The following PCDHGA10 variants were observed in gnomAD, a reference collection of about 807,000 sequenced individuals.
PCDHGA10 encodes the protein protocadherin gamma-A10.
In PCDHGA10, 42 loss-of-function variants were observed where a neutral mutation model predicts 59.5. That is an observed-to-expected ratio of 0.71 (90% CI 0.55 to 0.91). PCDHGA10 has a LOEUF of 0.91. PCDHGA10 is among the 40% of genes least tolerant of loss of function. The pLI is 0.00. For missense variants in PCDHGA10, 1,111 were observed against 1,198.2 expected (o/e 0.93, Z 1.07); for synonymous variants, 511 against 517.2 (o/e 0.99, Z 0.16).
At chr5:141,508,682 C>G (rs2099870913) in intron 3 of PCDHGA10, among the ~76,000 whole-genome samples, 1 of 152,080 alleles carries the variant, frequency 6.6e-6, no homozygotes, top group Non-Finnish European at 1.5e-5. Context: ...TCCCTTCTCC[C>G]TGCTTCTCCG....
chr5:141,472,980 C>CAAAAAAAAAAAAAAAAAAAAAAA (rs60579131), intron 1 of PCDHGA10, among the ~76,000 whole-genome samples: 6 of 86,066 alleles, frequency 7.0e-5, no homozygotes, highest in Non-Finnish European at 1.0e-4. Context: ...GAGTGAAACT[C>CAAAAAAAAAAAAAAAAAAAAAAA]AAAAAAAAAA....
intron 1 of PCDHGA10, among the ~76,000 whole-genome samples, chr5:141,464,436 TTTG>T (rs1043492514): frequency 1.1e-4 from 17 of 151,396 alleles, no homozygotes; most frequent in Non-Finnish European, 1.9e-4. Flanking sequence ...GATATATATG[TTTG>T]TTGTTGTTGT....
intron 1 of PCDHGA10, among the ~76,000 whole-genome samples, chr5:141,456,866 G>A (rs2098893781): frequency 6.6e-6 from 1 of 152,170 alleles, no homozygotes; most frequent in African/African-American, 2.4e-5. Flanking sequence ...GGGAGGCTGA[G>A]GCAGGAGAAT....
In PCDHGA10 at chr5:141,476,990, C is replaced by A; in HGVS notation, c.2437-17817C>A. On this transcript the variant is annotated intron_variant, in intron 1 of 3. Coordinates refer to ENST00000398610, the MANE Select transcript of PCDHGA10 (RefSeq NM_018913.3). The surrounding 1 kb of genome is among the most constrained non-coding windows in gnomAD (Gnocchi z 7.6). Reference sequence around the variant, plus strand: ...CGGCAGCCACAACCGCGCCGGCGTGCGGCAACTATTCGCCTTAGACCTTGT... The same window carrying A: ...CGGCAGCCACAACCGCGCCGGCGTGAGGCAACTATTCGCCTTAGACCTTGT... The A allele has an allele frequency of 6.2e-7, 1 of 1,614,220 alleles. No individual in the cohort carries two copies. Among genetic ancestry groups the A allele is most frequent in the South Asian group, 1.1e-5 (1 of 91,090 alleles).
In PCDHGA10 at chr5:141,485,053, G is replaced by A. The variant is rs555996081; in HGVS notation, c.2437-9754G>A. On this transcript the variant is annotated intron_variant, in intron 1 of 3. Coordinates refer to ENST00000398610, the MANE Select transcript of PCDHGA10 (RefSeq NM_018913.3). The surrounding 1 kb of genome is among the most constrained non-coding windows in gnomAD (Gnocchi z 5.7). ...GCGCGTAACCCTTGCGGCGCCGGCC[G>A]AACCGCGCCAGAGCTGGCGCGGGGA... 6.9e-5 allele frequency: 57 copies of A among 820,742 alleles called. 2 individuals carry two copies. In the South Asian group the frequency reaches 9.3e-4, roughly 13 times the overall value. 50.8% of individuals were successfully genotyped at this position (820,742 alleles called of 1,614,324 possible).
intron 1 of PCDHGA10, chr5:141,421,577 T>C (rs1385519860): frequency 1.4e-5 from 22 of 1,613,748 alleles, no homozygotes; most frequent in Non-Finnish European, 1.5e-5. Context: ...ACCTTGAAGA[T>C]TTACGGAGTG....
rs1468210173 is a variant in PCDHGA10 at position 141,512,170 on chromosome 5, A to T, written c.*997A>T. 1 of 152,720 alleles carries T rather than the reference A, an allele frequency of 6.5e-6. No homozygotes were observed. The highest frequency in any genetic ancestry group is 1.5e-5 in the Non-Finnish European group (1 of 68,120). The allele number at this position is 152,720 out of a possible 1,614,324, so 9.5% of individuals were successfully genotyped here. On this transcript the variant is annotated 3_prime_UTR_variant, in exon 4 of 4. Coordinates refer to ENST00000398610, the MANE Select transcript of PCDHGA10 (RefSeq NM_018913.3). ...TGGGCTGAGCTAACAGGACCAATGG[A>T]TTAAACTGGCATTTCAGTCCAAGGA...
At chr5:141,433,422 A>G (rs1172678396) in intron 1 of PCDHGA10, among the ~76,000 whole-genome samples, 1 of 150,646 alleles carries the variant, frequency 6.6e-6, no homozygotes, top group Admixed American at 6.6e-5. Context: ...TCTTGTACAG[A>G]CAGGAGTCTC....
At chr5:141,422,812 T>A in intron 1 of PCDHGA10, 1 of 1,614,206 alleles carries the variant, frequency 6.2e-7, no homozygotes, top group Non-Finnish European at 8.5e-7. Context: ...GTTTCGAGAC[T>A]TAGAACTGAG....
Position 141,413,953 on chromosome 5 carries a change from C to A in PCDHGA10, c.778C>A (p.Pro260Thr). The A allele has an allele frequency of 6.2e-7, 1 of 1,613,310 alleles. No individual in the cohort carries two copies. Among genetic ancestry groups the A allele is most frequent in the Non-Finnish European group, 8.5e-7 (1 of 1,179,850 alleles). Residue 260 changes from proline (P) to threonine (T), a missense_variant, in exon 1 of 4, where the codon CCT becomes ACT. Physicochemically the swap from Pro to Thr is conservative, Grantham distance 38. Transcript: ENST00000398610. ...EYRVSVPENL[P>T]VGTQLLTVTA... ...CCGAGTGAGTGTTCCTGAGAATTTG[C>A]CTGTGGGCACTCAGCTGCTGACAGT...
At chr5:141,478,443 C>T (rs2099456258) in intron 1 of PCDHGA10, 3 of 1,613,494 alleles carry the variant, frequency 1.9e-6, no homozygotes, top group Admixed American at 1.7e-5. Flanking sequence ...CTGAAGAAAC[C>T]TGGTGCAGCC....
intron 1 of PCDHGA10, among the ~76,000 whole-genome samples, chr5:141,449,909 A>G (rs2098658849): frequency 6.6e-6 from 1 of 151,828 alleles, no homozygotes; most frequent in Non-Finnish European, 1.5e-5. Context: ...TATAGTCCAT[A>G]TTTAAATTCT....
At position 141,413,564 on chromosome 5, in the gene PCDHGA10, T is replaced by C. The variant is rs762044373; in HGVS notation, c.389T>C (p.Ile130Thr). 9 of 1,613,760 alleles carry C rather than the reference T, an allele frequency of 5.6e-6. No homozygotes were observed. The Admixed American group carries it at 1.2e-4, about 21-fold the overall frequency. Reference protein sequence around the residue: ...LFGIEIEVTDINDNAPKFQAE... With the variant: ...LFGIEIEVTDTNDNAPKFQAE... ...GGGATAGAAATAGAAGTAACTGATA[T>C]CAATGACAATGCTCCAAAATTCCAA... The change falls in exon 1 of 4, where the codon ATC becomes ACC. Residue 130 changes from isoleucine to threonine, a missense_variant. Coordinates refer to ENST00000398610, the MANE Select transcript of PCDHGA10 (RefSeq NM_018913.3).
intron 1 of PCDHGA10, chr5:141,418,910 T>C: frequency 6.2e-7 from 1 of 1,613,936 alleles, no homozygotes; most frequent in East Asian, 2.2e-5. Flanking sequence ...AATCATCACG[T>C]CACTCTCTGA....
At chr5:141,473,272 A>G (rs2099318396) in intron 1 of PCDHGA10, among the ~76,000 whole-genome samples, 1 of 152,182 alleles carries the variant, frequency 6.6e-6, no homozygotes, top group African/African-American at 2.4e-5. Flanking sequence ...GTATGCTATG[A>G]TTATTTTACT....
intron 1 of PCDHGA10, among the ~76,000 whole-genome samples, chr5:141,450,782 C>T (rs1012152203): frequency 2.0e-5 from 3 of 151,350 alleles, no homozygotes; most frequent in East Asian, 1.9e-4. Flanking sequence ...CCACCGTGCC[C>T]GGACCTCATG....
At chr5:141,488,691 G>A (rs1443084778) in intron 1 of PCDHGA10, among the ~76,000 whole-genome samples, 2 of 152,192 alleles carry the variant, frequency 1.3e-5, no homozygotes, top group Non-Finnish European at 2.9e-5. Flanking sequence ...CTCCCAGAAG[G>A]ACAAGATTTT....
At chr5:141,455,860 A>ATTAT (rs145569377) in intron 1 of PCDHGA10, among the ~76,000 whole-genome samples, 7,190 of 139,786 alleles carry the variant, frequency 0.051, 228 homozygotes, top group South Asian at 0.064. Context: ...AATTTCTTTT[A>ATTAT]TTATTTATTT....
At chr5:141,449,328 C>G (rs1340432771) in intron 1 of PCDHGA10, among the ~76,000 whole-genome samples, 1 of 151,866 alleles carries the variant, frequency 6.6e-6, no homozygotes, top group African/African-American at 2.4e-5. Flanking sequence ...ATCTGTAGGC[C>G]AGGTGCAGTG....
Sources: gnomAD v4.1 joint callset for allele counts (sites outside exome capture counted in the v4.1 genomes callset) on GRCh38, gnomAD v4.1.1 for gene constraint, Gnocchi (gnomAD v3.1) non-coding constraint, MANE v1.5 for transcripts, NCBI Gene and HGNC (gene_info 2026-07-23, HGNC 2026-07-21) for gene names.